FBXO21: variants seen among roughly 807,000 people sequenced by gnomAD.
FBXO21 encodes F-box protein 21.
Under a neutral mutation model 76.6 loss-of-function variants are expected in FBXO21, and 32 were observed. That is an observed-to-expected ratio of 0.42 (90% CI 0.32 to 0.56). The LOEUF is 0.56. Ranked by LOEUF, FBXO21 falls within the 20% of genes least tolerant of loss-of-function variation. The pLI is 0.16. For synonymous variants in FBXO21, 328 were observed against 311.5 expected (o/e 1.05, Z -0.56); for missense variants, 586 against 797.3 (o/e 0.73, Z 3.19).
chr12:117,145,555 A>G lies in FBXO21; in HGVS notation c.*532T>C, dbSNP rs1404698757. On this transcript the variant is annotated 3_prime_UTR_variant, in exon 12 of 12. Transcript: ENST00000622495. ...TTACCATTAGCTTGTTAATGTCTCCATCTCTAAGATGCTGCCAAGATAGCA... is the reference window on the plus strand; with the variant it reads ...TTACCATTAGCTTGTTAATGTCTCCGTCTCTAAGATGCTGCCAAGATAGCA... The G allele has an allele frequency of 6.6e-6, 1 of 152,222 alleles. No individual in the cohort carries two copies. The highest frequency in any genetic ancestry group is 1.5e-5 in the Non-Finnish European group (1 of 68,064). The allele number at this position is 152,222 out of a possible 1,614,324, so 9.4% of individuals were successfully genotyped here. A position where few individuals can be genotyped will look rare whatever the true frequency, so the allele number is the denominator to read the frequency against.
chr12:117,158,145 C>T (rs1020160183), intron 9 of FBXO21, 82 bp from the exon 10 acceptor site: 48 of 1,506,330 alleles, frequency 3.2e-5, no homozygotes, highest in Non-Finnish European at 3.9e-5. Context: ...TTAGACCTAC[C>T]TACGTAACCT....
intron 11 of FBXO21, among the ~76,000 whole-genome samples, chr12:117,147,303 A>G (rs1311203161): frequency 8.4e-6 from 1 of 118,752 alleles, no homozygotes; most frequent in Non-Finnish European, 1.9e-5. Flanking sequence ...AAAAAAAAAA[A>G]AAAAGAAAAA....
chr12:117,148,559 C>T (rs1161528978), intron 11 of FBXO21, among the ~76,000 whole-genome samples: 1 of 152,246 alleles, frequency 6.6e-6, no homozygotes, highest in African/African-American at 2.4e-5. Flanking sequence ...GGCACAGTGG[C>T]ACAGAGTTTA....
At chr12:117,154,510 T>C (rs1039563245) in intron 11 of FBXO21, among the ~76,000 whole-genome samples, 6 of 152,238 alleles carry the variant, frequency 3.9e-5, no homozygotes, top group Admixed American at 3.9e-4. Context: ...CCCAGCTTCC[T>C]GAATAGCTGG....
At position 117,143,306 on chromosome 12, in the gene FBXO21, G is replaced by T. The variant is rs570070147; in HGVS notation, c.*2781C>A. On this transcript the variant is annotated 3_prime_UTR_variant, in exon 12 of 12. Transcript: ENST00000622495. ...AAAGTCACGACGCACAGTACTGTGC[G>T]TCACAGGTATTGAGAAACACCACCA... 1 of 152,230 alleles carries T rather than the reference G, an allele frequency of 6.6e-6. No homozygotes were observed. The highest frequency in any genetic ancestry group is 2.1e-4 in the South Asian group (1 of 4,824). 9.4% of individuals were successfully genotyped at this position (152,230 alleles called of 1,614,324 possible). A position where few individuals can be genotyped will look rare whatever the true frequency, so the allele number is the denominator to read the frequency against.
rs371171435 is a variant in FBXO21, at chr12:117,172,478, C to T, written c.1006G>A (p.Ala336Thr). ...SHFLLRWCQG[A>T]EGATLDIFDY... Reference sequence around the variant, plus strand: ...TGTGTCACGGATGCTCACCCTTCTGCGCCTTGGCACCACCTTAATAAGAAG... The same window carrying T: ...TGTGTCACGGATGCTCACCCTTCTGTGCCTTGGCACCACCTTAATAAGAAG... Residue 336 changes from alanine (A) to threonine (T), a missense_variant, in exon 7 of 12, where the codon GCA (alanine) becomes ACA (threonine). Ala to Thr is a moderately conservative substitution (Grantham distance 58). Around this residue, in one of 6 missense-constraint regions of FBXO21, gnomAD observed 246 missense variants for 356.8 expected, o/e 0.69. Transcript: ENST00000622495. The T allele has an allele frequency of 3.3e-5, 54 of 1,613,142 alleles. No homozygotes were observed. The highest frequency in any genetic ancestry group is 6.7e-5 in the African/African-American group (5 of 74,904).
chr12:117,151,046 C>T lies in FBXO21; in HGVS notation c.1675+4745G>A, dbSNP rs1001678148. 1.5e-4 allele frequency among the ~76,000 whole-genome samples: 23 copies of T among 148,444 alleles called. 2 individuals are homozygous for T. The highest frequency in any genetic ancestry group is 5.7e-4 in the African/African-American group (23 of 40,334). ...ATGGGTGGAAAGTTGAGTTTGGAAG[C>T]ATCAAATAAGTTATGGAAAAGGGAA... On this transcript the variant is annotated intron_variant, in intron 11 of 11. Coordinates refer to ENST00000622495, the MANE Select transcript of FBXO21 (RefSeq NM_015002.3).
intron 4 of FBXO21, 55 bp from the exon 5 acceptor site, chr12:117,174,852 G>C: frequency 6.3e-7 from 1 of 1,579,566 alleles, no homozygotes; most frequent in Non-Finnish European, 8.6e-7. Context: ...TTTCTTATTA[G>C]TTTGCAATTT....
chr12:117,174,226 G>C lies in FBXO21; in HGVS notation c.855C>G (p.Ala285=). The C allele has an allele frequency of 6.2e-7, 1 of 1,612,466 alleles. No individual in the cohort carries two copies. Among genetic ancestry groups the C allele is most frequent in the Non-Finnish European group, 8.5e-7 (1 of 1,178,542 alleles). The change falls in exon 6 of 12, where the codon GCC becomes GCG. Residue 285 remains alanine (A), a synonymous_variant. Coordinates refer to ENST00000622495, the MANE Select transcript of FBXO21 (RefSeq NM_015002.3). ...TTACCTGATGCATATATAAGTTGAG[G>C]GCATTATAGTAATCCATTCGATTCC... ...FKGNRMDYYN[A]LNLYMHQVLI...
chr12:117,180,826 G>A (rs770658934), intron 3 of FBXO21, among the ~76,000 whole-genome samples: 4 of 151,882 alleles, frequency 2.6e-5, no homozygotes, highest in African/African-American at 4.8e-5. Flanking sequence ...GTAGAGACGA[G>A]GTTTCACCAT....
At chr12:117,189,644 G>A (rs1334495088) in intron 1 of FBXO21, among the ~76,000 whole-genome samples, 3 of 152,074 alleles carry the variant, frequency 2.0e-5, no homozygotes, top group Admixed American at 1.3e-4. Context: ...CACTGATTGA[G>A]CGCCTCCTAG....
intron 10 of FBXO21, among the ~76,000 whole-genome samples, chr12:117,156,497 T>C (rs182415248): frequency 1.3e-5 from 2 of 152,144 alleles, no homozygotes; most frequent in Admixed American, 6.5e-5. Context: ...GATGTGATAA[T>C]AAGATGTTAA....
intron 2 of FBXO21, among the ~76,000 whole-genome samples, chr12:117,187,338 T>A (rs1956293587): frequency 6.9e-6 from 1 of 144,516 alleles, no homozygotes; most frequent in South Asian, 2.1e-4. Context: ...GAGAATCACT[T>A]GAACCTGGGA....
intron 3 of FBXO21, among the ~76,000 whole-genome samples, chr12:117,185,914 C>T (rs891729348): frequency 2.6e-4 from 39 of 152,164 alleles, no homozygotes; most frequent in African/African-American, 8.4e-4. Flanking sequence ...CTCTTGTCCC[C>T]CAGTCTGGAG....
At chr12:117,174,385 T>A in intron 5 of FBXO21, 44 bp from the exon 6 acceptor site, 1 of 1,605,968 alleles carries the variant, frequency 6.2e-7, no homozygotes, top group Non-Finnish European at 8.5e-7. Flanking sequence ...ACAAAAAAGG[T>A]TGTGACAGGT....
intron 10 of FBXO21, among the ~76,000 whole-genome samples, chr12:117,156,365 C>A (rs1184763259): frequency 6.6e-6 from 1 of 152,140 alleles, no homozygotes; most frequent in Non-Finnish European, 1.5e-5. Context: ...ACTAACCAAT[C>A]TGACATCACT....
rs774230512 is a variant in FBXO21, at chr12:117,190,300, C to A, written c.157G>T (p.Gly53Cys). 7 of 1,532,470 alleles carry A rather than the reference C, an allele frequency of 4.6e-6. No individual in the cohort carries two copies. The highest frequency in any genetic ancestry group is 1.4e-5 in the African/African-American group (1 of 69,794). 94.9% of individuals were successfully genotyped at this position (1,532,470 alleles called of 1,614,324 possible). A position where few individuals can be genotyped will look rare whatever the true frequency, so the allele number is the denominator to read the frequency against. Residue 53 changes from glycine (G) to cysteine (C), a missense_variant, in exon 1 of 12, where the codon GGC becomes TGC. Physicochemically the swap from Gly to Cys is radical, Grantham distance 159. This residue lies in a region of FBXO21 where 152 missense variants were observed against 127.2 expected (regional missense o/e 1.19). Coordinates refer to ENST00000622495, the MANE Select transcript of FBXO21 (RefSeq NM_015002.3). ...CGCCGGCAGGTGCTGGAGACACGGC[C>A]GATGTCGGCGGCCGTCAGCGAGCCG... ...CCGSLTAADI[G>C]RVSSTCRRLR...
intron 4 of FBXO21, among the ~76,000 whole-genome samples, chr12:117,176,234 G>A (rs953890463): frequency 6.6e-6 from 1 of 152,224 alleles, no homozygotes; most frequent in African/African-American, 2.4e-5. Flanking sequence ...AAATGCTACT[G>A]TAGCTCTGAG....
intron 3 of FBXO21, among the ~76,000 whole-genome samples, chr12:117,178,775 A>G (rs1051724485): frequency 7.9e-5 from 12 of 151,958 alleles, no homozygotes; most frequent in African/African-American, 1.7e-4. Context: ...ATTATTTTAA[A>G]TGGTACCCCC....
Sources: gnomAD v4.1 joint callset for allele counts (sites outside exome capture counted in the v4.1 genomes callset) on GRCh38, gnomAD v4.1.1 for gene constraint, gnomAD v4.1.1 regional missense constraint, MANE v1.5 for transcripts, NCBI Gene and HGNC (gene_info 2026-07-23, HGNC 2026-07-21) for gene names.